The following RBFOX1 variants were observed in gnomAD, a reference collection of about 807,000 sequenced individuals.
RBFOX1 encodes RNA binding protein fox-1 homolog 1.
In RBFOX1, 8 loss-of-function variants were observed where a neutral mutation model predicts 57.7. The ratio of observed to expected loss-of-function variants is 0.14; its 90% CI spans 0.08 to 0.25. RBFOX1 has a LOEUF of 0.25. RBFOX1 is among the 10% of genes least tolerant of loss of function. The probability of loss-of-function intolerance (pLI) is 1.00; values close to 1 mark genes in which losing one functional copy is unlikely to be tolerated. For missense variants in RBFOX1, 611 were observed against 548.5 expected (o/e 1.11, Z -1.14); for synonymous variants, 326 against 222.4 (o/e 1.47, Z -4.15).
chr16:5,761,772 G>C (rs565215374), intron 3 of RBFOX1, among the ~76,000 whole-genome samples: 1 of 152,272 alleles, frequency 6.6e-6, no homozygotes, highest in South Asian at 2.1e-4. Flanking sequence ...GGCTAAATGG[G>C]TAAAGAATAA....
chr16:7,256,822 C>T (rs1261127849), intron 4 of RBFOX1, among the ~76,000 whole-genome samples: 1 of 152,142 alleles, frequency 6.6e-6, no homozygotes, highest in East Asian at 1.9e-4. Flanking sequence ...CACCGTTCTA[C>T]GCACACATCT....
intron 2 of RBFOX1, among the ~76,000 whole-genome samples, chr16:6,552,636 G>C (rs1380350282): frequency 6.6e-6 from 1 of 152,042 alleles, no homozygotes; most frequent in Non-Finnish European, 1.5e-5. Context: ...TCTGAAATTT[G>C]GCATCCTTGG....
At chr16:5,387,578 T>A (rs529171512) in intron 1 of RBFOX1, among the ~76,000 whole-genome samples, 2 of 152,332 alleles carry the variant, frequency 1.3e-5, no homozygotes, top group East Asian at 3.9e-4. Context: ...AGTGCTTGGA[T>A]TTATATTGCA....
intron 3 of RBFOX1, among the ~76,000 whole-genome samples, chr16:6,768,771 C>T (rs919683349): frequency 6.7e-6 from 1 of 149,688 alleles, no homozygotes; most frequent in African/African-American, 2.5e-5. Context: ...GCTTTGTCGC[C>T]AGGTTGGAGT....
intron 3 of RBFOX1, among the ~76,000 whole-genome samples, chr16:6,660,689 A>T (rs1325906516): frequency 6.6e-6 from 1 of 152,348 alleles, no homozygotes; most frequent in African/African-American, 2.4e-5. Context: ...GGCTTGAGAA[A>T]TTCATAATAC....
At chr16:6,397,559 AG>A (rs2092893256) in intron 2 of RBFOX1, among the ~76,000 whole-genome samples, 1 of 152,224 alleles carries the variant, frequency 6.6e-6, no homozygotes, top group African/African-American at 2.4e-5. Context: ...GTATCTTCAG[AG>A]TGAAAGGAAA....
intron 3 of RBFOX1, among the ~76,000 whole-genome samples, chr16:6,893,566 A>T (rs1186196012): frequency 6.6e-6 from 1 of 152,254 alleles, no homozygotes; most frequent in South Asian, 2.1e-4. Context: ...ATGAGCCCCA[A>T]AGTAAATTTA....
intron 3 of RBFOX1, among the ~76,000 whole-genome samples, chr16:6,959,950 T>C (rs1434466454): frequency 6.6e-6 from 1 of 151,998 alleles, no homozygotes; most frequent in Non-Finnish European, 1.5e-5. Context: ...AATAAATAAA[T>C]TAATAAATGC....
intron 3 of RBFOX1, among the ~76,000 whole-genome samples, chr16:6,967,263 C>T (rs564748913): frequency 4.9e-4 from 75 of 152,220 alleles, no homozygotes; most frequent in Middle Eastern, 3.4e-3. Context: ...TCTGTCTGTA[C>T]ACTCATCATT....
intron 1 of RBFOX1, among the ~76,000 whole-genome samples, chr16:6,113,692 A>C (rs2096469030): frequency 1.3e-5 from 2 of 152,244 alleles, no homozygotes; most frequent in Admixed American, 1.3e-4. Context: ...GAAGAAGCTG[A>C]AACTGGACCT....
intron 3 of RBFOX1, among the ~76,000 whole-genome samples, chr16:5,646,026 T>A (rs1187227437): frequency 6.6e-6 from 1 of 151,328 alleles, no homozygotes; most frequent in African/African-American, 2.4e-5. Context: ...TGTTTTTTTT[T>A]TAATTTTTTT....
At chr16:5,903,991 T>C (rs190491490) in intron 4 of RBFOX1, among the ~76,000 whole-genome samples, 1 of 152,196 alleles carries the variant, frequency 6.6e-6, no homozygotes, top group East Asian at 1.9e-4. Context: ...TATGAGCTAA[T>C]AGAATGGAGA....
downstream of RBFOX1, among the ~76,000 whole-genome samples, chr16:5,603,991 C>A (rs1015729407): frequency 6.6e-6 from 1 of 152,116 alleles, no homozygotes; most frequent in Non-Finnish European, 1.5e-5. Flanking sequence ...CTCCTATACC[C>A]AAGGCAGACA....
At chr16:7,708,110 T>C (rs1168890461) in intron 14 of RBFOX1, among the ~76,000 whole-genome samples, 1 of 152,144 alleles carries the variant, frequency 6.6e-6, no homozygotes, top group African/African-American at 2.4e-5. Context: ...AGGCTGAGGC[T>C]GGTAGACTAC....
At chr16:5,278,869 T>C (rs1383259966) in intron 1 of RBFOX1, among the ~76,000 whole-genome samples, 3 of 152,250 alleles carry the variant, frequency 2.0e-5, no homozygotes, top group Admixed American at 6.5e-5. Context: ...TGTATGTTCT[T>C]GACACCTTTC....
At position 6,312,107 on chromosome 16, in the gene RBFOX1, C is replaced by G. The variant is rs542989388; in HGVS notation, c.-126-4888C>G. The stretch of plus-strand genomic sequence containing the variant: ...AAATCCCAACTTAGGTGAGGCACCA[C>G]CCTCTGAGATGGTCTTATACATAAT... On this transcript the variant is annotated intron_variant, in intron 1 of 15. Transcript: ENST00000550418. 3.9e-5 allele frequency among the ~76,000 whole-genome samples: 6 copies of G among 152,288 alleles called. No individual in the cohort carries two copies. In the East Asian group the frequency reaches 9.7e-4, roughly 25 times the overall value.
At chr16:7,498,187 G>A (rs2069330080) in intron 4 of RBFOX1, among the ~76,000 whole-genome samples, 1 of 152,156 alleles carries the variant, frequency 6.6e-6, no homozygotes, top group Non-Finnish European at 1.5e-5. Context: ...TGGAGATCAA[G>A]CTTCCCTGTT....
intron 4 of RBFOX1, chr16:7,332,820 A>G: frequency 2.8e-6 from 4 of 1,421,514 alleles, no homozygotes; most frequent in Non-Finnish European, 3.7e-6. Context: ...AAACTTTCAC[A>G]TTAAGAGTTG....
In RBFOX1 at chr16:5,867,028, C is replaced by G. The variant is rs182431124; in HGVS notation, c.319-275C>G. On this transcript the variant is annotated intron_variant, in intron 3 of 19. Transcript: ENST00000641259. ...GTACATGGACATTGCTCACAGCCCT[C>G]CCCACTTATTTTTTTCTTGACAAGA... Among the ~76,000 whole-genome samples, 563 of 152,248 alleles carry G rather than the reference C, an allele frequency of 3.7e-3. 3 individuals carry two copies. The highest frequency in any genetic ancestry group is 0.012 in the African/African-American group (517 of 41,524).
Sources: gnomAD v4.1 joint callset for allele counts (sites outside exome capture counted in the v4.1 genomes callset) on GRCh38, gnomAD v4.1.1 for gene constraint, MANE v1.5 for transcripts, NCBI Gene and HGNC (gene_info 2026-07-23, HGNC 2026-07-21) for gene names.